UBE2D1: variants seen among roughly 807,000 people sequenced by gnomAD.
The protein encoded by UBE2D1 is ubiquitin-conjugating enzyme E2 D1.
A neutral mutation model predicts 24.6 loss-of-function variants in UBE2D1; 9 were observed. That is an observed-to-expected ratio of 0.37 (90% CI 0.22 to 0.64). The LOEUF (loss-of-function observed/expected upper bound fraction) is 0.64. Ranked by LOEUF, UBE2D1 falls within the 30% of genes least tolerant of loss-of-function variation. UBE2D1 has a pLI of 0.64. For synonymous variants in UBE2D1, 57 were observed against 57.6 expected (o/e 0.99, Z 0.04); for missense variants, 87 against 177.1 (o/e 0.49, Z 2.89).
At position 58,335,143 on chromosome 10, in the gene UBE2D1, G is replaced by A. The variant is rs1324270421; in HGVS notation, c.-59G>A. ...GCGAGCCCAACCCGCGACGACCCAC[G>A]CCCCTGAGCCCCGCAGCCGACCCCT... On this transcript the variant is annotated 5_prime_UTR_variant, in exon 1 of 7. Coordinates refer to ENST00000373910, the MANE Select transcript of UBE2D1 (RefSeq NM_003338.5). 1.3e-6 allele frequency: 2 copies of A among 1,524,190 alleles called. No homozygotes were observed. Among genetic ancestry groups the A allele is most frequent in the African/African-American group, 1.4e-5 (1 of 70,602 alleles). 94.4% of individuals were successfully genotyped at this position (1,524,190 alleles called of 1,614,324 possible).
At chr10:58,364,691 C>T in intron 4 of UBE2D1, 80 bp from the exon 5 acceptor site, 2 of 989,910 alleles carry the variant, frequency 2.0e-6, no homozygotes, top group Non-Finnish European at 3.0e-6. Context: ...GATATTTTAC[C>T]CTAGAGCAAA....
intron 1 of UBE2D1, among the ~76,000 whole-genome samples, chr10:58,339,837 A>G (rs1564557230): frequency 6.6e-6 from 1 of 151,870 alleles, no homozygotes; most frequent in Non-Finnish European, 1.5e-5. Flanking sequence ...TTGCAGTTAC[A>G]TATCGCTACT....
intron 1 of UBE2D1, among the ~76,000 whole-genome samples, chr10:58,360,327 C>CTTTGGG (rs1030462904): frequency 6.6e-6 from 1 of 151,994 alleles, no homozygotes; most frequent in African/African-American, 2.4e-5. Flanking sequence ...TGCCTTTCTT[C>CTTTGGG]TTTGGGATGA....
At chr10:58,365,291 A>AC (rs927772993) in intron 5 of UBE2D1, among the ~76,000 whole-genome samples, 8 of 152,018 alleles carry the variant, frequency 5.3e-5, no homozygotes, top group African/African-American at 1.5e-4. Flanking sequence ...AACATAGGAG[A>AC]CCCCATCTCT....
chr10:58,355,577 G>T (rs1324127664), intron 1 of UBE2D1, among the ~76,000 whole-genome samples: 1 of 152,168 alleles, frequency 6.6e-6, no homozygotes, highest in African/African-American at 2.4e-5. Context: ...CTTATGACTG[G>T]TTGGCTTATG....
At chr10:58,366,469 C>T (rs753484120) in intron 5 of UBE2D1, among the ~76,000 whole-genome samples, 1 of 152,152 alleles carries the variant, frequency 6.6e-6, no homozygotes, top group African/African-American at 2.4e-5. Context: ...GGGCAAATGG[C>T]TCCTGGCAGT....
At position 58,370,449 on chromosome 10, in the gene UBE2D1, A is replaced by G. The variant is rs1840303613; in HGVS notation, c.*1684A>G. ...TTATAAATGAATGTAAAATAATTAAATGAATTGTGAAATGGATGTTTAAGA... is the reference window on the plus strand; with the variant it reads ...TTATAAATGAATGTAAAATAATTAAGTGAATTGTGAAATGGATGTTTAAGA... On this transcript the variant is annotated 3_prime_UTR_variant, in exon 7 of 7. Transcript: ENST00000373910. The G allele has an allele frequency of 6.6e-6, 1 of 152,596 alleles. No homozygotes were observed. Among genetic ancestry groups the G allele is most frequent in the African/African-American group, 2.4e-5 (1 of 41,440 alleles). 9.5% of individuals were successfully genotyped at this position (152,596 alleles called of 1,614,324 possible).
At chr10:58,365,949 A>G (rs1323871073) in intron 5 of UBE2D1, among the ~76,000 whole-genome samples, 1 of 152,238 alleles carries the variant, frequency 6.6e-6, no homozygotes, top group Non-Finnish European at 1.5e-5. Flanking sequence ...GATAAATAAT[A>G]GCTCTTTCAG....
intron 1 of UBE2D1, among the ~76,000 whole-genome samples, chr10:58,346,325 T>C (rs559843047): frequency 5.6e-4 from 86 of 152,288 alleles, no homozygotes; most frequent in African/African-American, 2.0e-3. Context: ...ATGAACACTC[T>C]TAATCATAGG....
At chr10:58,365,273 G>T (rs1019846403) in intron 5 of UBE2D1, among the ~76,000 whole-genome samples, 38 of 152,070 alleles carry the variant, frequency 2.5e-4, no homozygotes, top group African/African-American at 8.5e-4. Context: ...TTCGAGACCG[G>T]CCTGGGCAAC....
At chr10:58,368,221 A>G in intron 6 of UBE2D1, 1 of 475,244 alleles carries the variant, frequency 2.1e-6, no homozygotes, top group East Asian at 3.2e-5. Context: ...TTACTGTTCA[A>G]TAGTATATAC....
In UBE2D1 at chr10:58,335,176, G is replaced by A; in HGVS notation, c.-26G>A. On this transcript the variant is annotated 5_prime_UTR_variant, in exon 1 of 7. Coordinates refer to ENST00000373910, the MANE Select transcript of UBE2D1 (RefSeq NM_003338.5). ...GCCCCGCAGCCGACCCCTGCCGGCCGGTGTCCCCACCGCCATCCCTGACCC... is the reference window on the plus strand; with the variant it reads ...GCCCCGCAGCCGACCCCTGCCGGCCAGTGTCCCCACCGCCATCCCTGACCC... 2 of 1,544,274 alleles carry A rather than the reference G, an allele frequency of 1.3e-6. No homozygotes were observed. The highest frequency in any genetic ancestry group is 1.7e-6 in the Non-Finnish European group (2 of 1,147,986).
At chr10:58,345,461 A>G (rs1840006134) in intron 1 of UBE2D1, among the ~76,000 whole-genome samples, 1 of 152,178 alleles carries the variant, frequency 6.6e-6, no homozygotes, top group African/African-American at 2.4e-5. Context: ...TATGACAGCA[A>G]GACCCTGTCT....
rs1840273369 is a variant in UBE2D1, at chr10:58,367,838, A to G, written c.305-85A>G. The G allele has an allele frequency of 2.6e-5, 22 of 841,250 alleles. No individual in the cohort carries two copies. The Middle Eastern group carries it at 7.8e-4, about 30-fold the overall frequency. 52.1% of individuals were successfully genotyped at this position (841,250 alleles called of 1,614,324 possible). On this transcript the variant is annotated intron_variant, in intron 5 of 6. Transcript: ENST00000373910. ...TGTTTTTTTTATAAGTACAGTATCT[A>G]TATTCACTAAAATTATTTTCACATA...
intron 1 of UBE2D1, among the ~76,000 whole-genome samples, chr10:58,357,065 TG>T (rs920427413): frequency 2.6e-5 from 4 of 152,056 alleles, no homozygotes; most frequent in African/African-American, 9.7e-5. Context: ...AGTGGGAATC[TG>T]GGGTATATAA....
chr10:58,341,038 C>G (rs1839956438), intron 1 of UBE2D1, among the ~76,000 whole-genome samples: 1 of 152,204 alleles, frequency 6.6e-6, no homozygotes, highest in Admixed American at 6.5e-5. Flanking sequence ...TCGCAAATCT[C>G]TGCTCCAAAG....
Position 58,368,506 on chromosome 10 carries a change from A to G in UBE2D1, c.399-214A>G, listed in dbSNP as rs191151477. ...TTTTGATTTTTGTGTATTTGGATACATTTTCATATAGGTTGCAGAGAAATC... is the reference window on the plus strand; with the variant it reads ...TTTTGATTTTTGTGTATTTGGATACGTTTTCATATAGGTTGCAGAGAAATC... On this transcript the variant is annotated intron_variant, in intron 6 of 6. Transcript: ENST00000373910. The G allele has an allele frequency of 8.9e-5, 31 of 346,548 alleles. No homozygotes were observed. The Admixed American group carries it at 1.5e-3, about 16-fold the overall frequency. The allele number at this position is 346,548 out of a possible 1,614,324, so 21.5% of individuals were successfully genotyped here.
rs926804731 is a variant in UBE2D1, at chr10:58,335,009, C to A, written c.-193C>A. On this transcript the variant is annotated 5_prime_UTR_variant, in exon 1 of 7. Transcript: ENST00000373910. ...AGTCTCGCCGGCGTCCCCGCCCGCA[C>A]ACTCGCGCACACTCGCGCTCGGGCG... 5 of 549,612 alleles carry A rather than the reference C, an allele frequency of 9.1e-6. No individual in the cohort carries two copies. In the Admixed American group the frequency reaches 1.6e-4, roughly 18 times the overall value. 34.0% of individuals were successfully genotyped at this position (549,612 alleles called of 1,614,324 possible).
chr10:58,343,107 T>C (rs936911939), intron 1 of UBE2D1, among the ~76,000 whole-genome samples: 4 of 152,168 alleles, frequency 2.6e-5, no homozygotes, highest in African/African-American at 9.7e-5. Flanking sequence ...GGACTTGTTT[T>C]ATGACCCAGC....
Sources: allele counts gnomAD v4.1 joint callset (sites outside exome capture counted in the v4.1 genomes callset), GRCh38; gene constraint gnomAD v4.1.1; transcripts MANE v1.5; gene names NCBI Gene and HGNC (gene_info 2026-07-23, HGNC 2026-07-21).